The following PCDHGB3 variants were observed in gnomAD, a reference collection of about 807,000 sequenced individuals.
PCDHGB3 encodes protocadherin gamma-B3.
In PCDHGB3, 40 loss-of-function variants were observed where a neutral mutation model predicts 59.2. That is an observed-to-expected ratio of 0.68 (90% CI 0.52 to 0.88). PCDHGB3 has a LOEUF of 0.88. PCDHGB3 is among the 40% of genes least tolerant of loss of function. PCDHGB3 has a pLI of 0.00. For missense variants in PCDHGB3, 1,309 were observed against 1,187.9 expected, an observed-to-expected ratio of 1.10 and a Z score of -1.50; for synonymous variants, 581 against 503.6, an observed-to-expected ratio of 1.15 and a Z score of -2.06.
intron 1 of PCDHGB3, chr5:141,408,823 T>G: frequency 4.3e-6 from 7 of 1,613,568 alleles, no homozygotes; most frequent in Non-Finnish European, 5.9e-6. Flanking sequence ...AACAGAGATC[T>G]CATAGCTTGA....
At chr5:141,374,085 TG>T (rs1282444417) in intron 1 of PCDHGB3, 2 of 1,528,732 alleles carry the variant, frequency 1.3e-6, no homozygotes, top group Non-Finnish European at 1.8e-6. Flanking sequence ...AAGCCAGTAA[TG>T]GCGCCTCCGC....
At chr5:141,427,008 C>G (rs762510673) in intron 1 of PCDHGB3, 145 of 456,786 alleles carry the variant, frequency 3.2e-4, no homozygotes, top group African/African-American at 2.8e-3. Context: ...AGTTTTTAGC[C>G]AGGATGTATA....
intron 2 of PCDHGB3, among the ~76,000 whole-genome samples, chr5:141,500,894 C>CAG (rs10656935): frequency 0.58 from 88,074 of 150,994 alleles, 27,125 homozygotes; most frequent in African/African-American, 0.78. Flanking sequence ...TTTTTTGAGA[C>CAG]AGTCTCGCTC....
At chr5:141,418,316 A>G in intron 1 of PCDHGB3, 1 of 1,614,026 alleles carries the variant, frequency 6.2e-7, no homozygotes, top group Non-Finnish European at 8.5e-7. Context: ...GATGGGAACA[A>G]TTCTTGAGTC....
rs2099694919 is a variant in PCDHGB3, at chr5:141,490,016, C to T, written c.2416-4791C>T. The T allele has an allele frequency of 6.2e-7, 1 of 1,614,158 alleles. No individual in the cohort carries two copies. The highest frequency in any genetic ancestry group is 8.5e-7 in the Non-Finnish European group (1 of 1,180,060). On this transcript the variant is annotated intron_variant, in intron 1 of 3. Transcript: ENST00000576222. This position sits in a 1 kb window ranked among gnomAD's most constrained non-coding sequence, Gnocchi z 5.4. ...ATCCCAGAGAATGCACCCATTGGTACTCTGCTGCTCCGCCTCAATGCCACT... is the reference window on the plus strand; with the variant it reads ...ATCCCAGAGAATGCACCCATTGGTATTCTGCTGCTCCGCCTCAATGCCACT...
In PCDHGB3 at chr5:141,447,883, C is replaced by T. The variant is rs184337553; in HGVS notation, c.2416-46924C>T. Among the ~76,000 whole-genome samples the T allele has an allele frequency of 3.9e-3, 599 of 152,000 alleles. 3 individuals are homozygous for T. The highest frequency in any genetic ancestry group is 0.014 in the African/African-American group (563 of 41,452). ...GGTGAATCATCTGAGGTCAGGAGTT[C>T]GAGACCAGCCTGGCCAACATGGTGA... On this transcript the variant is annotated intron_variant, in intron 1 of 3. Coordinates refer to ENST00000576222, the MANE Select transcript of PCDHGB3 (RefSeq NM_018924.5).
chr5:141,438,054 T>C (rs1451843979), intron 1 of PCDHGB3, among the ~76,000 whole-genome samples: 2 of 152,182 alleles, frequency 1.3e-5, no homozygotes, highest in African/African-American at 4.8e-5. Flanking sequence ...TTGAGTTCAC[T>C]TTTAAGAAAC....
At chr5:141,426,507 C>G in intron 1 of PCDHGB3, 1 of 342,512 alleles carries the variant, frequency 2.9e-6, no homozygotes, top group Non-Finnish European at 5.8e-6. Context: ...AGAAACAATA[C>G]TTTACCGTGA....
intron 1 of PCDHGB3, among the ~76,000 whole-genome samples, chr5:141,484,030 T>G (rs1290301073): frequency 6.6e-6 from 1 of 151,022 alleles, no homozygotes; most frequent in African/African-American, 2.4e-5. Flanking sequence ...TGAGATCAAG[T>G]CTCCAGCTCC....
chr5:141,375,735 T>G, intron 1 of PCDHGB3: 1 of 1,614,254 alleles, frequency 6.2e-7, no homozygotes. Flanking sequence ...CTGAGCCTGT[T>G]TGTGCTGGAC....
At chr5:141,450,642 A>C (rs2098688710) in intron 1 of PCDHGB3, among the ~76,000 whole-genome samples, 1 of 151,504 alleles carries the variant, frequency 6.6e-6, no homozygotes, top group Non-Finnish European at 1.5e-5. Context: ...GCCTGCCACC[A>C]TGCCTGGCTA....
intron 1 of PCDHGB3, chr5:141,423,658 CA>C: frequency 6.4e-7 from 1 of 1,571,150 alleles, no homozygotes; most frequent in Non-Finnish European, 8.6e-7. Flanking sequence ...GACAAGTAAT[CA>C]GGTGAGATTT....
At chr5:141,427,957 C>A in intron 1 of PCDHGB3, 2 of 1,588,400 alleles carry the variant, frequency 1.3e-6, no homozygotes, top group Non-Finnish European at 1.7e-6. Flanking sequence ...GACAATGTGC[C>A]GCGGGTGCTG....
chr5:141,487,004 C>G lies in PCDHGB3; in HGVS notation c.2416-7803C>G. 1 of 1,614,224 alleles carries G rather than the reference C, an allele frequency of 6.2e-7. No homozygotes were observed. The highest frequency in any genetic ancestry group is 1.1e-5 in the South Asian group (1 of 91,086). On this transcript the variant is annotated intron_variant, in intron 1 of 3. Transcript: ENST00000576222. This position sits in a 1 kb window ranked among gnomAD's most constrained non-coding sequence, Gnocchi z 5.0. ...CAATGCTTGGGTTTCCTATCAGCTC[C>G]TGGAGGCCCCAGATCCCAGCCTGTT...
chr5:141,371,506 C>G lies in PCDHGB3; in HGVS notation c.1112C>G (p.Thr371Arg). The G allele has an allele frequency of 6.2e-7, 1 of 1,613,856 alleles. No individual in the cohort carries two copies. The highest frequency in any genetic ancestry group is 8.5e-7 in the Non-Finnish European group (1 of 1,179,804). The change falls in exon 1 of 4, where the codon ACA (threonine) becomes AGA (arginine). Residue 371 changes from threonine (T) to arginine (R), a missense_variant. Physicochemically the swap from Thr to Arg is moderately conservative, Grantham distance 71. Coordinates refer to ENST00000576222, the MANE Select transcript of PCDHGB3 (RefSeq NM_018924.5). ...GGGACTGCCGTTGCCCTGATCAAAA[C>G]ACATGATCTAGATTCTGGATTTAAT... ...ELGTAVALIK[T>R]HDLDSGFNGE... is the part of the protein sequence containing the mutation.
chr5:141,388,396 A>C, intron 1 of PCDHGB3: 2 of 1,614,014 alleles, frequency 1.2e-6, no homozygotes, highest in Non-Finnish European at 1.7e-6. Flanking sequence ...CAGAATTACC[A>C]ACTCAGTCCC....
intron 1 of PCDHGB3, among the ~76,000 whole-genome samples, chr5:141,381,244 C>G (rs554184818): frequency 6.6e-6 from 1 of 152,242 alleles, no homozygotes; most frequent in South Asian, 2.1e-4. Context: ...TCTCCAGGAC[C>G]TAGAAGAATT....
intron 1 of PCDHGB3, chr5:141,388,479 C>A (rs1345463224): frequency 6.2e-7 from 1 of 1,613,770 alleles, no homozygotes. Context: ...ATTGAAGACA[C>A]CTTTGGACAG....
At position 141,370,588 on chromosome 5, in the gene PCDHGB3, A is replaced by G. The variant is rs766682273; in HGVS notation, c.194A>G (p.Asn65Ser). ...GGCGTGGGGGATTTACCTACTAGGAACCTGCGGGTTATTGCAGAGAAGAAA... is the reference window on the plus strand; with the variant it reads ...GGCGTGGGGGATTTACCTACTAGGAGCCTGCGGGTTATTGCAGAGAAGAAA... Reference protein sequence around the residue: ...GFGVGDLPTRNLRVIAEKKFF... With the variant: ...GFGVGDLPTRSLRVIAEKKFF... Residue 65 changes from asparagine to serine, a missense_variant, in exon 1 of 4, where the codon AAC becomes AGC. By Grantham distance (46) the Asn-to-Ser change is conservative. Coordinates refer to ENST00000576222, the MANE Select transcript of PCDHGB3 (RefSeq NM_018924.5). 6.2e-7 allele frequency: 1 copy of G among 1,613,944 alleles called. No homozygotes were observed. Among genetic ancestry groups the G allele is most frequent in the Admixed American group, 1.7e-5 (1 of 60,024 alleles).
Sources: allele counts gnomAD v4.1 joint callset (sites outside exome capture counted in the v4.1 genomes callset), GRCh38; gene constraint gnomAD v4.1.1; non-coding constraint Gnocchi (gnomAD v3.1); transcripts MANE v1.5; gene names NCBI Gene and HGNC (gene_info 2026-07-23, HGNC 2026-07-21).